SNRPD1: variants seen among roughly 807,000 people sequenced by gnomAD.
SNRPD1 encodes small nuclear ribonucleoprotein Sm D1.
In SNRPD1, 1 loss-of-function variant was observed where a neutral mutation model predicts 14.4. The ratio of observed to expected loss-of-function variants is 0.07; its 90% CI spans 0.02 to 0.33. The LOEUF is 0.33. Among genes scored for constraint, SNRPD1 ranks in the 10% least tolerant of loss-of-function variants. The pLI is 1.00. For synonymous variants in SNRPD1, 42 were observed against 50.3 expected (o/e 0.83, Z 0.70); for missense variants, 52 against 146.4 (o/e 0.36, Z 3.33).
intron 3 of SNRPD1, among the ~76,000 whole-genome samples, chr18:21,627,520 A>G (rs1443353349): frequency 1.4e-5 from 2 of 145,216 alleles, no homozygotes; most frequent in Non-Finnish European, 3.0e-5. Flanking sequence ...ACTCATTACA[A>G]CCTCTGCCTC....
In SNRPD1 at chr18:21,631,781, A is replaced by G. The variant is rs1234835664; in HGVS notation, c.*2643A>G. The G allele has an allele frequency of 6.6e-6, 1 of 152,036 alleles. No homozygotes were observed. 9.4% of individuals were successfully genotyped at this position (152,036 alleles called of 1,614,324 possible). A position where few individuals can be genotyped will look rare whatever the true frequency, so the allele number is the denominator to read the frequency against. On this transcript the variant is annotated 3_prime_UTR_variant, in exon 4 of 4. Transcript: ENST00000300413. ...CTGGGGGAATAAATAACTGGATTTC[A>G]TTCTTTTCCATCTTCTGACCTGTTG...
intron 1 of SNRPD1, 138 bp downstream of exon 1, chr18:21,612,581 C>A: frequency 1.7e-6 from 1 of 585,826 alleles, no homozygotes. Flanking sequence ...TTACTGCGCC[C>A]GCAGCTCGTG....
At chr18:21,621,168 A>G (rs1351787439) in intron 1 of SNRPD1, among the ~76,000 whole-genome samples, 3 of 102,252 alleles carry the variant, frequency 2.9e-5, no homozygotes, top group African/African-American at 1.1e-4. Context: ...ACTCTGTGTC[A>G]AAAAAAAAAG....
At chr18:21,627,273 AATTTTTT>A (rs906425444) in intron 3 of SNRPD1, among the ~76,000 whole-genome samples, 24 of 151,894 alleles carry the variant, frequency 1.6e-4, no homozygotes, top group African/African-American at 5.5e-4. Context: ...AAACCTGGCT[AATTTTTT>A]ATTTTTTATT....
chr18:21,627,029 C>T (rs1298698055), intron 3 of SNRPD1, among the ~76,000 whole-genome samples: 2 of 150,882 alleles, frequency 1.3e-5, no homozygotes, highest in Non-Finnish European at 2.9e-5. Flanking sequence ...TGGCTCACGC[C>T]TGTAACCCCA....
chr18:21,628,955 A>G (rs1042739412), intron 3 of SNRPD1, 107 bp from the exon 4 acceptor site: 5 of 829,714 alleles, frequency 6.0e-6, no homozygotes, highest in Non-Finnish European at 1.0e-5. Flanking sequence ...AGCTACTAAT[A>G]AAGAGCTATA....
intron 2 of SNRPD1, among the ~76,000 whole-genome samples, chr18:21,623,342 A>G (rs1343599815): frequency 6.6e-6 from 1 of 152,136 alleles, no homozygotes; most frequent in Non-Finnish European, 1.5e-5. Flanking sequence ...CCATCTTAAC[A>G]AAAGCAGTAA....
chr18:21,621,357 T>C (rs1338355275), intron 1 of SNRPD1, among the ~76,000 whole-genome samples: 1 of 152,130 alleles, frequency 6.6e-6, no homozygotes, highest in Non-Finnish European at 1.5e-5. Flanking sequence ...AATTTTGACA[T>C]TTCCATATAG....
At chr18:21,621,577 AT>A (rs113670264) in intron 1 of SNRPD1, among the ~76,000 whole-genome samples, 37 of 149,432 alleles carry the variant, frequency 2.5e-4, no homozygotes, top group African/African-American at 9.1e-4. Flanking sequence ...ATTTATTTTT[AT>A]TTTTTTTTAA....
In SNRPD1 at chr18:21,631,544, C is replaced by A. The variant is rs1354864236; in HGVS notation, c.*2406C>A. ...CTCTGCCTCCCGGGTTCAGGCCATT[C>A]TCCTGCCTCAGCCTCCCGAGTAGCT... On this transcript the variant is annotated 3_prime_UTR_variant, in exon 4 of 4. Transcript: ENST00000300413. 1 of 141,562 alleles carries A rather than the reference C, an allele frequency of 7.1e-6. No individual in the cohort carries two copies. Among genetic ancestry groups the A allele is most frequent in the African/African-American group, 2.6e-5 (1 of 38,110 alleles). 8.8% of individuals were successfully genotyped at this position (141,562 alleles called of 1,614,324 possible).
chr18:21,626,754 C>T (rs1288871949), intron 3 of SNRPD1, among the ~76,000 whole-genome samples: 1 of 151,396 alleles, frequency 6.6e-6, no homozygotes, highest in African/African-American at 2.4e-5. Context: ...CTACTGCACT[C>T]CAGCCTGGAC....
At chr18:21,627,187 T>G (rs1213005603) in intron 3 of SNRPD1, among the ~76,000 whole-genome samples, 4 of 152,048 alleles carry the variant, frequency 2.6e-5, no homozygotes, top group Non-Finnish European at 5.9e-5. Flanking sequence ...GAGAATCGCT[T>G]GAACCCGAGA....
chr18:21,620,065 C>G (rs1296341301), intron 1 of SNRPD1, among the ~76,000 whole-genome samples: 2 of 152,052 alleles, frequency 1.3e-5, no homozygotes, highest in Non-Finnish European at 2.9e-5. Flanking sequence ...AGCGATTCTG[C>G]TGCCTCAGCC....
chr18:21,622,680 A>G, intron 1 of SNRPD1, 45 bp from the exon 2 acceptor site: 1 of 924,790 alleles, frequency 1.1e-6, no homozygotes, highest in Non-Finnish European at 1.8e-6. Context: ...AATAAATGTG[A>G]TTTTAAAGTG....
At chr18:21,625,411 G>C in intron 3 of SNRPD1, among the ~76,000 whole-genome samples, 1 of 141,922 alleles carries the variant, frequency 7.0e-6, no homozygotes, top group African/African-American at 2.8e-5. Context: ...CTGCCTCCTG[G>C]GTTCAAGCGA....
intron 3 of SNRPD1, among the ~76,000 whole-genome samples, chr18:21,626,762 G>GAAAAAAAAAAAAA: frequency 6.7e-6 from 1 of 149,780 alleles, no homozygotes; most frequent in Non-Finnish European, 1.5e-5. Context: ...CTCCAGCCTG[G>GAAAAAAAAAAAAA]ACAACAGAGA....
chr18:21,618,037 T>G (rs2038970343), intron 1 of SNRPD1, among the ~76,000 whole-genome samples: 1 of 152,180 alleles, frequency 6.6e-6, no homozygotes, highest in African/African-American at 2.4e-5. Context: ...TTGTTTCTTC[T>G]TGCTGCATAT....
chr18:21,629,040 G>C, intron 3 of SNRPD1, 22 bp from the exon 4 acceptor site: 1 of 1,605,744 alleles, frequency 6.2e-7, no homozygotes, highest in African/African-American at 1.3e-5. Flanking sequence ...ATTGAACTTG[G>C]TTTGTTTTTC....
chr18:21,626,785 C>CAA (rs57392456), intron 3 of SNRPD1, among the ~76,000 whole-genome samples: 142 of 118,164 alleles, frequency 1.2e-3, no homozygotes, highest in Middle Eastern at 4.4e-3. Flanking sequence ...GACTTGGTCT[C>CAA]AAAAAAAAAA....
Sources: allele counts gnomAD v4.1 joint callset (sites outside exome capture counted in the v4.1 genomes callset), GRCh38; gene constraint gnomAD v4.1.1; transcripts MANE v1.5; gene names NCBI Gene and HGNC (gene_info 2026-07-23, HGNC 2026-07-21).